Variants in COL6A5 observed in about 807,000 individuals in gnomAD.
COL6A5 encodes the protein collagen type VI alpha 5 chain.
A neutral mutation model predicts 65.6 loss-of-function variants in COL6A5; 48 were observed. The observed-to-expected ratio is 0.73, with a 90% CI of 0.58 to 0.93. The LOEUF is 0.93. Among genes scored for constraint, COL6A5 ranks in the 40% least tolerant of loss-of-function variants. The pLI is 0.00. For synonymous variants in COL6A5, 291 were observed against 322.8 expected, an observed-to-expected ratio of 0.90 and a Z score of 1.05; for missense variants, 914 against 928.3, an observed-to-expected ratio of 0.98 and a Z score of 0.20.
intron 5 of COL6A5, 38 bp downstream of exon 5, chr3:130,385,402 A>G (rs938033260): frequency 6.6e-6 from 10 of 1,525,726 alleles, no homozygotes; most frequent in African/African-American, 2.8e-5. Context: ...TCCACATTTC[A>G]TCAATTGCTT....
intron 22 of COL6A5, among the ~76,000 whole-genome samples, chr3:130,414,667 C>T (rs1323293911): frequency 6.6e-6 from 1 of 152,076 alleles, no homozygotes; most frequent in African/African-American, 2.4e-5. Flanking sequence ...CCCTCTGTGA[C>T]AGAAGGGGAA....
intron 1 of COL6A5, among the ~76,000 whole-genome samples, chr3:130,360,008 T>C (rs1935055004): frequency 6.6e-6 from 1 of 152,046 alleles, no homozygotes; most frequent in South Asian, 2.1e-4. Flanking sequence ...GAATGACAAC[T>C]ACATCAGCTC....
intron 5 of COL6A5, among the ~76,000 whole-genome samples, chr3:130,457,569 C>A (rs548004237): frequency 1.3e-5 from 2 of 152,200 alleles, no homozygotes; most frequent in South Asian, 2.1e-4. Context: ...CACCCAGTTT[C>A]TCCTACAGTG....
chr3:130,404,857 A>T (rs1447587071), intron 13 of COL6A5, among the ~76,000 whole-genome samples: 1 of 152,224 alleles, frequency 6.6e-6, no homozygotes, highest in Non-Finnish European at 1.5e-5. Flanking sequence ...AAATGTAAGC[A>T]CCTGTTATGC....
At chr3:130,379,198 C>T (rs944342549) in intron 3 of COL6A5, among the ~76,000 whole-genome samples, 5 of 151,946 alleles carry the variant, frequency 3.3e-5, no homozygotes, top group Non-Finnish European at 7.4e-5. Context: ...TGGTCAGAAG[C>T]ATTCTTCAGA....
chr3:130,474,194 C>A (rs1195667648), intron 7 of COL6A5, among the ~76,000 whole-genome samples: 1 of 152,026 alleles, frequency 6.6e-6, no homozygotes, highest in Non-Finnish European at 1.5e-5. Context: ...AAGTCTCAGA[C>A]CCTTCCCTAA....
chr3:130,484,055 T>C, exon 8 of COL6A5: 3 of 1,607,850 alleles, frequency 1.9e-6, no homozygotes, highest in Non-Finnish European at 2.5e-6. Flanking sequence ...TACAAGGTCA[T>C]CATAGGAGAA....
intron 4 of COL6A5, among the ~76,000 whole-genome samples, chr3:130,384,195 C>CA (rs1295318864): frequency 1.3e-5 from 2 of 151,806 alleles, no homozygotes; most frequent in Admixed American, 1.3e-4. Flanking sequence ...CCCAGGGACA[C>CA]GTTCTAAAGA....
intron 20 of COL6A5, among the ~76,000 whole-genome samples, chr3:130,411,607 T>A (rs1363743719): frequency 6.6e-6 from 1 of 152,166 alleles, no homozygotes; most frequent in African/African-American, 2.4e-5. Flanking sequence ...AATTAGAATG[T>A]AATAAGAGGA....
intron 4 of COL6A5, among the ~76,000 whole-genome samples, chr3:130,446,091 T>C (rs1709296489): frequency 1.3e-5 from 2 of 152,166 alleles, no homozygotes; most frequent in East Asian, 3.9e-4. Flanking sequence ...ATAAACAGCC[T>C]GGACTTGAGT....
At chr3:130,411,405 T>C (rs752833960) in intron 20 of COL6A5, among the ~76,000 whole-genome samples, 3 of 152,238 alleles carry the variant, frequency 2.0e-5, no homozygotes, top group Non-Finnish European at 4.4e-5. Flanking sequence ...TGGAATCTTA[T>C]TATTTTGAAG....
chr3:130,423,238 ATCT>A (rs1483474852), intron 28 of COL6A5, among the ~76,000 whole-genome samples: 2 of 152,074 alleles, frequency 1.3e-5, no homozygotes, highest in Non-Finnish European at 2.9e-5. Flanking sequence ...GGCTATTGAG[ATCT>A]TCTAATTAGC....
intron 7 of COL6A5, among the ~76,000 whole-genome samples, chr3:130,392,971 G>A (rs951710867): frequency 1.3e-5 from 2 of 151,840 alleles, no homozygotes; most frequent in African/African-American, 2.4e-5. Flanking sequence ...TGAAGCGTGG[G>A]CTCCCCTCCC....
chr3:130,455,098 C>T (rs780783845), intron 4 of COL6A5, among the ~76,000 whole-genome samples: 5 of 151,800 alleles, frequency 3.3e-5, no homozygotes, highest in African/African-American at 1.2e-4. Flanking sequence ...TGTGATTGCA[C>T]CGCTGCATTC....
exon 3 of COL6A5, chr3:130,376,771 A>G (rs1204614111): frequency 2.5e-6 from 4 of 1,613,662 alleles, no homozygotes; most frequent in Non-Finnish European, 3.4e-6. Context: ...TTTTCCCAAA[A>G]CATGACACAG....
rs749695629 is a variant in COL6A5, at chr3:130,455,453, A to G, written c.1333-2A>G. 6.3e-7 allele frequency: 1 copy of G among 1,596,918 alleles called. No individual in the cohort carries two copies. Among genetic ancestry groups the G allele is most frequent in the East Asian group, 2.2e-5 (1 of 44,552 alleles). ...CTCACCTAAAGTTTTTTTTTCTTCT[A>G]GATTTGTTACTGAGCTACAAGAGGA... On this transcript the variant is annotated splice_acceptor_variant, in intron 4 of 7. Coordinates refer to ENST00000512836, the Ensembl canonical transcript of COL6A5. LOFTEE classifies it high-confidence loss of function.
intron 5 of COL6A5, among the ~76,000 whole-genome samples, chr3:130,456,827 A>T (rs1019317714): frequency 2.0e-5 from 3 of 151,824 alleles, no homozygotes; most frequent in Non-Finnish European, 4.4e-5. Context: ...CTGGGATAAA[A>T]TTTTTTTTCT....
intron 1 of COL6A5, among the ~76,000 whole-genome samples, chr3:130,433,941 T>A (rs1383854176): frequency 6.6e-6 from 1 of 151,662 alleles, no homozygotes; most frequent in Non-Finnish European, 1.5e-5. Context: ...TAGTTTGCCT[T>A]ACCTTTTTTT....
At chr3:130,368,714 G>A (rs1935436552) in intron 1 of COL6A5, among the ~76,000 whole-genome samples, 3 of 152,126 alleles carry the variant, frequency 2.0e-5, no homozygotes, top group Admixed American at 2.0e-4. Context: ...TTGAGAGTGT[G>A]GAGGAGTGGT....
Sources: gnomAD v4.1 joint callset for allele counts (sites outside exome capture counted in the v4.1 genomes callset) on GRCh38, gnomAD v4.1.1 for gene constraint, MANE v1.5 for transcripts, NCBI Gene and HGNC (gene_info 2026-07-23, HGNC 2026-07-21) for gene names.